Variants in CDH11 observed in about 807,000 individuals in gnomAD.
The protein encoded by CDH11 is cadherin-11.
CDH11 carries 11 observed loss-of-function variants against 67.8 expected under a neutral mutation model. That is an observed-to-expected ratio of 0.16 (90% CI 0.10 to 0.27). CDH11 has a LOEUF of 0.27. Among genes scored for constraint, CDH11 ranks in the 10% least tolerant of loss-of-function variants. CDH11 has a pLI of 1.00. For missense variants in CDH11, 847 were observed against 1,031.2 expected (o/e 0.82, Z 2.45); for synonymous variants, 419 against 400.0 (o/e 1.05, Z -0.57).
rs574912838 is a variant in CDH11, at chr16:65,031,224, C to G, written c.-173+22580G>C. Among the ~76,000 whole-genome samples the G allele has an allele frequency of 3.9e-5, 6 of 152,310 alleles. No individual in the cohort carries two copies. In the South Asian group the frequency reaches 1.2e-3, roughly 32 times the overall value. On this transcript the variant is annotated intron_variant, in intron 2 of 12. Transcript: ENST00000268603. Reference sequence around the variant, plus strand: ...CATGTACCAAAAAATAATAGAAATGCATTCACCAAACATACCTAGAACATG... The same window carrying G: ...CATGTACCAAAAAATAATAGAAATGGATTCACCAAACATACCTAGAACATG...
chr16:65,094,039 CCCATTTA>C (rs2074840733), intron 1 of CDH11, among the ~76,000 whole-genome samples: 1 of 152,140 alleles, frequency 6.6e-6, no homozygotes, highest in African/African-American at 2.4e-5. Context: ...AATACTAAGG[CCCATTTA>C]CTAACCCATT....
intron 11 of CDH11, among the ~76,000 whole-genome samples, chr16:64,952,778 A>G (rs1278813345): frequency 6.6e-6 from 1 of 152,176 alleles, no homozygotes; most frequent in Non-Finnish European, 1.5e-5. Context: ...ATCATGGCCC[A>G]ATAGCTGGTA....
chr16:65,075,793 T>C (rs979720097), intron 1 of CDH11, among the ~76,000 whole-genome samples: 4 of 152,166 alleles, frequency 2.6e-5, no homozygotes, highest in African/African-American at 9.7e-5. Flanking sequence ...CCCAAATAGC[T>C]GTGTGACCTC....
At position 64,948,429 on chromosome 16, in the gene CDH11, C is replaced by G. The variant is rs1447407936; in HGVS notation, c.1895-330G>C. The G allele has an allele frequency of 4.7e-6, 3 of 643,840 alleles. No homozygotes were observed. In the East Asian group the frequency reaches 7.9e-5, roughly 17 times the overall value. 39.9% of individuals were successfully genotyped at this position (643,840 alleles called of 1,614,324 possible). A position where few individuals can be genotyped will look rare whatever the true frequency, so the allele number is the denominator to read the frequency against. ...GATTCTAAATATGTTGGTCTGTAGTCTCTTAGAAGTGGCTAATGCCAATTT... is the reference window on the plus strand; with the variant it reads ...GATTCTAAATATGTTGGTCTGTAGTGTCTTAGAAGTGGCTAATGCCAATTT... On this transcript the variant is annotated intron_variant, in intron 12 of 12. Coordinates refer to ENST00000268603, the MANE Select transcript of CDH11 (RefSeq NM_001797.4).
chr16:65,087,589 T>C (rs1412032296), intron 1 of CDH11, among the ~76,000 whole-genome samples: 1 of 152,096 alleles, frequency 6.6e-6, no homozygotes, highest in Admixed American at 6.6e-5. Flanking sequence ...AGAAGGAGAT[T>C]TATGTAAATC....
chr16:64,982,399 AAG>A, intron 7 of CDH11, 98 bp from the exon 8 acceptor site: 1 of 913,584 alleles, frequency 1.1e-6, no homozygotes. Context: ...ATATTCCTCA[AAG>A]AGAGAAAATC....
chr16:64,995,631 A>G (rs938159227), intron 4 of CDH11, among the ~76,000 whole-genome samples: 4 of 152,178 alleles, frequency 2.6e-5, no homozygotes, highest in Non-Finnish European at 5.9e-5. Flanking sequence ...ACCTCAAACT[A>G]TAAATGCCCT....
At chr16:64,954,530 C>CA (rs1211482619) in intron 11 of CDH11, among the ~76,000 whole-genome samples, 1 of 152,086 alleles carries the variant, frequency 6.6e-6, no homozygotes, top group Non-Finnish European at 1.5e-5. Flanking sequence ...CCAGAAGGCT[C>CA]AGGGGATCCT....
chr16:65,089,943 C>T (rs567788792), intron 1 of CDH11, among the ~76,000 whole-genome samples: 3 of 151,952 alleles, frequency 2.0e-5, no homozygotes, highest in Non-Finnish European at 4.4e-5. Context: ...TTTAAGTGAA[C>T]ATACAAAAAA....
intron 2 of CDH11, among the ~76,000 whole-genome samples, chr16:65,018,117 T>C (rs955559209): frequency 3.3e-5 from 5 of 152,204 alleles, no homozygotes; most frequent in African/African-American, 9.6e-5. Flanking sequence ...GTCATGAATT[T>C]ATCTGTGCCT....
Position 64,945,947 on chromosome 16 carries a change from C to A in CDH11, c.*1656G>T, listed in dbSNP as rs566405820. The A allele has an allele frequency of 9.4e-7, 1 of 1,058,508 alleles. No homozygotes were observed. Among genetic ancestry groups the A allele is most frequent in the African/African-American group, 1.6e-5 (1 of 60,736 alleles). The allele number at this position is 1,058,508 out of a possible 1,614,324, so 65.6% of individuals were successfully genotyped here. A position where few individuals can be genotyped will look rare whatever the true frequency, so the allele number is the denominator to read the frequency against. Reference sequence around the variant, plus strand: ...TGCAGTGTGACTTTATGTGGTCTTTCCCCAAGTATTGCTACGTTTTGACCT... The same window carrying A: ...TGCAGTGTGACTTTATGTGGTCTTTACCCAAGTATTGCTACGTTTTGACCT... On this transcript the variant is annotated 3_prime_UTR_variant, in exon 13 of 13. Coordinates refer to ENST00000268603, the MANE Select transcript of CDH11 (RefSeq NM_001797.4).
At chr16:64,983,518 AT>A (rs2072409183) in intron 7 of CDH11, among the ~76,000 whole-genome samples, 1 of 152,202 alleles carries the variant, frequency 6.6e-6, no homozygotes, top group African/African-American at 2.4e-5. Flanking sequence ...GAATGGGCAT[AT>A]AGTCATGGGG....
intron 1 of CDH11, among the ~76,000 whole-genome samples, chr16:65,110,390 T>C (rs2075135748): frequency 6.6e-6 from 1 of 152,094 alleles, no homozygotes; most frequent in Admixed American, 6.5e-5. Flanking sequence ...GGCAGCACAG[T>C]CTTTGCAGGA....
chr16:65,119,369 C>G (rs2075289421), intron 1 of CDH11, among the ~76,000 whole-genome samples: 1 of 152,026 alleles, frequency 6.6e-6, no homozygotes, highest in African/African-American at 2.4e-5. Flanking sequence ...AAAATTGCGC[C>G]ATAACTATTT....
chr16:65,093,798 C>T (rs928735947), intron 1 of CDH11, among the ~76,000 whole-genome samples: 7 of 152,078 alleles, frequency 4.6e-5, no homozygotes, highest in Admixed American at 1.3e-4. Context: ...TGTTCTTATA[C>T]GTACTATAAT....
intron 11 of CDH11, among the ~76,000 whole-genome samples, chr16:64,955,801 T>C (rs1180741366): frequency 6.6e-6 from 1 of 152,122 alleles, no homozygotes; most frequent in African/African-American, 2.4e-5. Context: ...AAAACAAATC[T>C]GGACACACAA....
Position 64,972,046 on chromosome 16 carries a change from G to A in CDH11, c.1409C>T (p.Ala470Val). 1 of 1,613,676 alleles carries A rather than the reference G, an allele frequency of 6.2e-7. No individual in the cohort carries two copies. Among genetic ancestry groups the A allele is most frequent in the Non-Finnish European group, 8.5e-7 (1 of 1,179,648 alleles). The stretch of plus-strand genomic sequence containing the variant: ...GACCCTAATGGCCACTGGGACTTTG[G>A]CTTCCTGATGCCGATTGTCTGGGAA... ...AAEIHNRHQE[A>V]KVPVAIRVLD... The change falls in exon 10 of 13, where the codon GCC becomes GTC. Residue 470 changes from alanine (A) to valine (V), a missense_variant. By Grantham distance (64) the Ala-to-Val change is moderately conservative (BLOSUM62 0). Coordinates refer to ENST00000268603, the MANE Select transcript of CDH11 (RefSeq NM_001797.4).
intron 1 of CDH11, among the ~76,000 whole-genome samples, chr16:65,100,767 A>AG (rs2074978592): frequency 6.6e-6 from 1 of 151,758 alleles, no homozygotes; most frequent in Admixed American, 6.6e-5. Context: ...AGAAAGAAAA[A>AG]GAAAAACCAA....
chr16:64,972,722 G>C (rs549801131), intron 9 of CDH11, among the ~76,000 whole-genome samples, 182 bp downstream of exon 9: 2 of 152,132 alleles, frequency 1.3e-5, no homozygotes, highest in African/African-American at 2.4e-5. Context: ...GAGAAAACAA[G>C]AACATTTCCC....
Sources: allele counts gnomAD v4.1 joint callset (sites outside exome capture counted in the v4.1 genomes callset), GRCh38; gene constraint gnomAD v4.1.1; transcripts MANE v1.5; gene names NCBI Gene and HGNC (gene_info 2026-07-23, HGNC 2026-07-21).